BNC2: variants seen among roughly 807,000 people sequenced by gnomAD.
The protein encoded by BNC2 is zinc finger protein basonuclin-2.
In BNC2, 20 loss-of-function variants were observed where a neutral mutation model predicts 76.3. The observed-to-expected ratio is 0.26, with a 90% CI of 0.18 to 0.38. The LOEUF (loss-of-function observed/expected upper bound fraction) is 0.38, where lower values mean the gene tolerates loss of function less well. Ranked by LOEUF, BNC2 falls within the 10% of genes least tolerant of loss-of-function variation. The pLI is 1.00. For synonymous variants in BNC2, 582 were observed against 514.8 expected, an observed-to-expected ratio of 1.13 and a Z score of -1.77; for missense variants, 1,382 against 1,399.8, an observed-to-expected ratio of 0.99 and a Z score of 0.20.
At chr9:16,839,841 G>A (rs182561716) in intron 1 of BNC2, among the ~76,000 whole-genome samples, 2 of 151,942 alleles carry the variant, frequency 1.3e-5, no homozygotes, top group Admixed American at 6.6e-5. Context: ...CCAATGCGGT[G>A]TGGTGCATGT....
intron 3 of BNC2, among the ~76,000 whole-genome samples, chr9:16,624,535 G>A (rs1426894502): frequency 6.6e-6 from 1 of 152,162 alleles, no homozygotes; most frequent in Non-Finnish European, 1.5e-5. Flanking sequence ...TGAGTCGTCT[G>A]CTGCATTCCG....
At chr9:16,665,009 A>G (rs1822227504) in intron 3 of BNC2, 1 of 455,386 alleles carries the variant, frequency 2.2e-6, no homozygotes, top group Non-Finnish European at 4.4e-6. Flanking sequence ...TGCCTTAGAT[A>G]TCACAGCAAC....
chr9:16,751,525 T>C (rs1825194023), intron 1 of BNC2, among the ~76,000 whole-genome samples: 1 of 148,696 alleles, frequency 6.7e-6, no homozygotes, highest in African/African-American at 2.5e-5. Flanking sequence ...TAAAAGTAAA[T>C]ATCAAACACT....
intron 5 of BNC2, among the ~76,000 whole-genome samples, chr9:16,544,385 G>A (rs941914753): frequency 4.6e-5 from 7 of 152,108 alleles, no homozygotes; most frequent in Admixed American, 2.6e-4. Flanking sequence ...GCGATAAGGT[G>A]CAATCCTAGA....
chr9:16,645,611 C>A (rs1220317283), intron 3 of BNC2, among the ~76,000 whole-genome samples: 1 of 152,108 alleles, frequency 6.6e-6, no homozygotes, highest in Non-Finnish European at 1.5e-5. Context: ...ACATCCTTGT[C>A]CCATCACAGC....
intron 3 of BNC2, among the ~76,000 whole-genome samples, chr9:16,645,596 G>C (rs913039508): frequency 6.6e-6 from 1 of 152,140 alleles, no homozygotes; most frequent in African/African-American, 2.4e-5. Context: ...GTCAGATCTG[G>C]AATCACATCC....
chr9:16,444,704 T>C (rs1419993177), intron 5 of BNC2, among the ~76,000 whole-genome samples: 4 of 152,194 alleles, frequency 2.6e-5, no homozygotes, highest in African/African-American at 4.8e-5. Context: ...GGAGATATTC[T>C]GTGGAAGAGA....
chr9:16,788,909 C>G (rs1226654462), intron 1 of BNC2, among the ~76,000 whole-genome samples: 2 of 151,036 alleles, frequency 1.3e-5, no homozygotes, highest in Non-Finnish European at 2.9e-5. Context: ...AATTCCACCT[C>G]CTACCTCAAA....
chr9:16,745,454 A>G (rs917608390), intron 1 of BNC2, among the ~76,000 whole-genome samples: 8 of 152,258 alleles, frequency 5.3e-5, no homozygotes, highest in Admixed American at 3.3e-4. Flanking sequence ...ATGGTAACAG[A>G]AACGTATGTT....
intron 1 of BNC2, among the ~76,000 whole-genome samples, chr9:16,803,162 G>A (rs1431234764): frequency 6.6e-6 from 1 of 152,172 alleles, no homozygotes; most frequent in Non-Finnish European, 1.5e-5. Flanking sequence ...TATCCTGTGT[G>A]TTTCCAACAA....
chr9:16,634,057 G>C (rs946325906), intron 3 of BNC2, among the ~76,000 whole-genome samples: 5 of 152,110 alleles, frequency 3.3e-5, no homozygotes, highest in Non-Finnish European at 4.4e-5. Flanking sequence ...GCTAATACAA[G>C]TGATTCCTAA....
chr9:16,747,483 T>G (rs988082327), intron 1 of BNC2, among the ~76,000 whole-genome samples: 15 of 152,324 alleles, frequency 9.8e-5, no homozygotes, highest in Admixed American at 9.2e-4. Flanking sequence ...CATAAAAGAT[T>G]TTTTCATTCA....
intron 3 of BNC2, among the ~76,000 whole-genome samples, chr9:16,687,705 A>T (rs1036262455): frequency 6.6e-6 from 1 of 152,196 alleles, no homozygotes; most frequent in African/African-American, 2.4e-5. Context: ...TCTCACATAC[A>T]CAAAACAAAT....
chr9:16,637,177 T>C (rs1180003310), intron 3 of BNC2, among the ~76,000 whole-genome samples: 1 of 152,118 alleles, frequency 6.6e-6, no homozygotes. Context: ...TAATTTTGTG[T>C]TCAAAATTAC....
chr9:16,446,103 T>C (rs1365267576), intron 5 of BNC2, among the ~76,000 whole-genome samples: 2 of 152,152 alleles, frequency 1.3e-5, no homozygotes, highest in Admixed American at 6.6e-5. Flanking sequence ...ATATAAAGAT[T>C]GATACTTTAA....
intron 1 of BNC2, among the ~76,000 whole-genome samples, chr9:16,806,707 C>T (rs931174764): frequency 5.3e-5 from 8 of 152,192 alleles, no homozygotes; most frequent in Non-Finnish European, 7.3e-5. Flanking sequence ...TTCTTCCTAT[C>T]TTACAGTTCT....
intron 3 of BNC2, among the ~76,000 whole-genome samples, chr9:16,592,691 A>G (rs767249328): frequency 6.6e-6 from 1 of 152,164 alleles, no homozygotes; most frequent in Non-Finnish European, 1.5e-5. Flanking sequence ...AAGCTGTTTA[A>G]AACAGGGAAA....
At chr9:16,526,385 A>T (rs1052099059) in intron 5 of BNC2, among the ~76,000 whole-genome samples, 2 of 145,636 alleles carry the variant, frequency 1.4e-5, no homozygotes, top group African/African-American at 5.1e-5. Flanking sequence ...TACCTAACTG[A>T]TTTACCTCCT....
intron 3 of BNC2, among the ~76,000 whole-genome samples, chr9:16,604,265 T>G (rs1820320021): frequency 6.6e-6 from 1 of 152,136 alleles, no homozygotes; most frequent in South Asian, 2.1e-4. Flanking sequence ...AAAAAACACT[T>G]TATAAAAGAG....
Sources: gnomAD v4.1 joint callset for allele counts (sites outside exome capture counted in the v4.1 genomes callset) on GRCh38, gnomAD v4.1.1 for gene constraint, MANE v1.5 for transcripts, NCBI Gene and HGNC (gene_info 2026-07-23, HGNC 2026-07-21) for gene names.